The following DLGAP5 variants were observed in gnomAD, a reference collection of about 807,000 sequenced individuals.
The protein encoded by DLGAP5 is disks large-associated protein 5.
A neutral mutation model predicts 99.6 loss-of-function variants in DLGAP5; 90 were observed. The ratio of observed to expected loss-of-function variants is 0.90; its 90% CI spans 0.76 to 1.08. The LOEUF (loss-of-function observed/expected upper bound fraction) is 1.08, where lower values mean the gene tolerates loss of function less well. Among genes scored for constraint, DLGAP5 ranks in the 50% least tolerant of loss-of-function variants. DLGAP5 has a pLI of 0.00. For missense variants in DLGAP5, 1,036 were observed against 983.5 expected (o/e 1.05, Z -0.71); for synonymous variants, 311 against 321.3 (o/e 0.97, Z 0.34).
intron 4 of DLGAP5, among the ~76,000 whole-genome samples, chr14:55,181,752 C>T (rs1252070962): frequency 6.6e-6 from 1 of 152,190 alleles, no homozygotes; most frequent in Non-Finnish European, 1.5e-5. Flanking sequence ...CTACCCCATA[C>T]CTATTTCTAG....
chr14:55,186,399 G>C (rs1436440784), intron 2 of DLGAP5, among the ~76,000 whole-genome samples: 1 of 152,126 alleles, frequency 6.6e-6, no homozygotes, highest in Non-Finnish European at 1.5e-5. Flanking sequence ...GTCTCTATTT[G>C]TTTCAAAGAG....
In DLGAP5 at chr14:55,152,666, A is replaced by G. The variant is rs1300462491; in HGVS notation, c.2064-19T>C. 1 of 1,579,120 alleles carries G rather than the reference A, an allele frequency of 6.3e-7. No homozygotes were observed. The highest frequency in any genetic ancestry group is 1.8e-5 in the Admixed American group (1 of 54,858). On this transcript the variant is annotated intron_variant, in intron 15 of 18. Coordinates refer to ENST00000247191, the MANE Select transcript of DLGAP5 (RefSeq NM_014750.5). ...GCTGCTCCTAAAGAAGAAAAAAAGCAGCATTACACTCATAAACATATTGTT... is the reference window on the plus strand; with the variant it reads ...GCTGCTCCTAAAGAAGAAAAAAAGCGGCATTACACTCATAAACATATTGTT...
At chr14:55,182,169 T>C (rs1883300330) in intron 4 of DLGAP5, among the ~76,000 whole-genome samples, 1 of 152,216 alleles carries the variant, frequency 6.6e-6, no homozygotes, top group Non-Finnish European at 1.5e-5. Context: ...CAGTTTGCCA[T>C]GGATCTCATA....
chr14:55,173,923 A>G (rs1321930955), intron 10 of DLGAP5, among the ~76,000 whole-genome samples: 1 of 152,190 alleles, frequency 6.6e-6, no homozygotes, highest in African/African-American at 2.4e-5. Context: ...TATTAACTGC[A>G]CAAATTGTAC....
At chr14:55,180,871 C>A in intron 5 of DLGAP5, 93 bp from the exon 6 acceptor site, 2 of 1,505,524 alleles carry the variant, frequency 1.3e-6, no homozygotes, top group South Asian at 1.2e-5. Context: ...GCCTGTAGTC[C>A]CAGCTACTTG....
intron 11 of DLGAP5, 105 bp from the exon 12 acceptor site, chr14:55,169,664 G>T (rs113095922): frequency 6.0e-6 from 6 of 1,007,846 alleles, no homozygotes; most frequent in African/African-American, 1.7e-5. Context: ...GGGCCTACAG[G>T]TTGTTAAGCA....
chr14:55,152,274 C>A (rs1463891776), intron 16 of DLGAP5, among the ~76,000 whole-genome samples: 1 of 152,200 alleles, frequency 6.6e-6, no homozygotes, highest in Non-Finnish European at 1.5e-5. Context: ...CACTGTATTG[C>A]AAAAGCAGCC....
intron 13 of DLGAP5, among the ~76,000 whole-genome samples, chr14:55,160,941 T>C (rs1321925114): frequency 6.7e-6 from 1 of 150,328 alleles, no homozygotes; most frequent in Non-Finnish European, 1.5e-5. Flanking sequence ...AAAATGGGGG[T>C]GTACAAGTAA....
chr14:55,150,144 G>C (rs1028950521), intron 18 of DLGAP5, among the ~76,000 whole-genome samples: 1 of 152,006 alleles, frequency 6.6e-6, no homozygotes, highest in Non-Finnish European at 1.5e-5. Flanking sequence ...TCGTGCCATA[G>C]TGCCAGTATC....
intron 12 of DLGAP5, among the ~76,000 whole-genome samples, chr14:55,168,154 T>C (rs1882711409): frequency 6.6e-6 from 1 of 152,192 alleles, no homozygotes; most frequent in Non-Finnish European, 1.5e-5. Flanking sequence ...GCTCTCACTA[T>C]GTTGCGCAGG....
intron 10 of DLGAP5, among the ~76,000 whole-genome samples, chr14:55,174,347 C>G (rs930408595): frequency 6.6e-6 from 1 of 152,144 alleles, no homozygotes; most frequent in South Asian, 2.1e-4. Flanking sequence ...CAATGGTGCC[C>G]GAAACTTCAT....
Position 55,178,773 on chromosome 14 carries a change from G to A in DLGAP5, c.774+856C>T, listed in dbSNP as rs190873236. 1.5e-3 allele frequency among the ~76,000 whole-genome samples: 225 copies of A among 152,232 alleles called. 1 individual carries two copies. Among genetic ancestry groups the A allele is most frequent in the African/African-American group, 5.1e-3 (213 of 41,510 alleles). ...AATTAAGAAATTATACTGGCCAGGC[G>A]TGGTGGCTCACGCCTGTAATCCCAG... is the stretch of plus-strand genomic sequence containing the variant. On this transcript the variant is annotated intron_variant, in intron 7 of 18. Transcript: ENST00000247191.
chr14:55,169,790 T>C (rs1882788498), intron 11 of DLGAP5, among the ~76,000 whole-genome samples: 1 of 152,220 alleles, frequency 6.6e-6, no homozygotes, highest in Admixed American at 6.5e-5. Context: ...ATATACTAAA[T>C]AGCATTCTAC....
chr14:55,174,420 T>A (rs895327657), intron 10 of DLGAP5, among the ~76,000 whole-genome samples: 2 of 152,186 alleles, frequency 1.3e-5, no homozygotes, highest in Non-Finnish European at 2.9e-5. Flanking sequence ...CCTTGTGATA[T>A]TCTATTACCT....
At chr14:55,162,213 TA>T (rs1882470365) in intron 13 of DLGAP5, among the ~76,000 whole-genome samples, 1 of 152,212 alleles carries the variant, frequency 6.6e-6, no homozygotes, top group South Asian at 2.1e-4. Flanking sequence ...ACGACTGTTG[TA>T]AGGATTAATA....
At chr14:55,170,473 C>T (rs1882818206) in intron 11 of DLGAP5, among the ~76,000 whole-genome samples, 1 of 152,126 alleles carries the variant, frequency 6.6e-6, no homozygotes, top group Non-Finnish European at 1.5e-5. Flanking sequence ...TAATTACTTA[C>T]ATCTTTTAAG....
intron 12 of DLGAP5, among the ~76,000 whole-genome samples, chr14:55,166,855 T>C (rs1162331901): frequency 6.6e-6 from 1 of 151,186 alleles, no homozygotes; most frequent in African/African-American, 2.4e-5. Flanking sequence ...ATGTAAATTA[T>C]ACCTCATATA....
intron 13 of DLGAP5, among the ~76,000 whole-genome samples, chr14:55,161,242 CTGA>C (rs1882419153): frequency 6.6e-6 from 1 of 152,006 alleles, no homozygotes; most frequent in South Asian, 2.1e-4. Flanking sequence ...ATCTGCATCA[CTGA>C]TGATATTAAT....
chr14:55,162,867 C>A, intron 13 of DLGAP5, 104 bp downstream of exon 13: 1 of 512,150 alleles, frequency 2.0e-6, no homozygotes, highest in Non-Finnish European at 3.2e-6. Context: ...GTTTTTAAAA[C>A]TTAAAAACAA....
Sources: gnomAD v4.1 joint callset for allele counts (sites outside exome capture counted in the v4.1 genomes callset) on GRCh38, gnomAD v4.1.1 for gene constraint, MANE v1.5 for transcripts, NCBI Gene and HGNC (gene_info 2026-07-23, HGNC 2026-07-21) for gene names.